TRAF3IP1: variants seen among roughly 807,000 people sequenced by gnomAD.
The protein encoded by TRAF3IP1 is intraflagellar transport 54.
In TRAF3IP1, 53 loss-of-function variants were observed where a neutral mutation model predicts 89.9. That is an observed-to-expected ratio of 0.59 (90% CI 0.47 to 0.74). TRAF3IP1 has a LOEUF of 0.74. Ranked by LOEUF, TRAF3IP1 falls within the 30% of genes least tolerant of loss-of-function variation. The probability of loss-of-function intolerance (pLI) is 0.00; values close to 1 mark genes in which losing one functional copy is unlikely to be tolerated. For missense variants in TRAF3IP1, 806 were observed against 866.1 expected, an observed-to-expected ratio of 0.93 and a Z score of 0.87; for synonymous variants, 311 against 322.1, an observed-to-expected ratio of 0.97 and a Z score of 0.37.
chr2:238,341,045 G>T (rs575387836), intron 8 of TRAF3IP1, among the ~76,000 whole-genome samples: 1 of 152,088 alleles, frequency 6.6e-6, no homozygotes, highest in Non-Finnish European at 1.5e-5. Flanking sequence ...TTTTGAGACA[G>T]GGCTTTGCTC....
At chr2:238,357,306 AT>A (rs919150131) in intron 15 of TRAF3IP1, among the ~76,000 whole-genome samples, 98 of 150,806 alleles carry the variant, frequency 6.5e-4, no homozygotes, top group African/African-American at 1.6e-3. Context: ...AGGAAGAAGA[AT>A]TTTTTTTTTC....
Position 238,351,862 on chromosome 2 carries a change from T to C in TRAF3IP1, c.1452-965T>C, listed in dbSNP as rs2437254. ...GTGTGTGTGTGTGTGTGTGTGTGTG[T>C]GTGTGCGCGCGCGCGCGTGTGCGTG... On this transcript the variant is annotated intron_variant, in intron 12 of 16. Transcript: ENST00000373327. The surrounding 1 kb of genome is among the most constrained non-coding windows in gnomAD (Gnocchi z 5.2). Among the ~76,000 whole-genome samples the C allele has an allele frequency of 0.1, 9,759 of 94,954 alleles. 440 individuals are homozygous for C. The highest frequency in any genetic ancestry group is 0.15 in the Middle Eastern group (32 of 216). The allele number at this position is 94,954 out of a possible 152,430, so 62.3% of individuals were successfully genotyped here.
At chr2:238,371,235 A>G (rs1379769466) in intron 15 of TRAF3IP1, among the ~76,000 whole-genome samples, 1 of 152,024 alleles carries the variant, frequency 6.6e-6, no homozygotes, top group African/African-American at 2.4e-5. Flanking sequence ...TAAAAAGGAA[A>G]CTCACAATAT....
chr2:238,321,172 C>A (rs1011867650), intron 1 of TRAF3IP1, among the ~76,000 whole-genome samples: 3 of 152,228 alleles, frequency 2.0e-5, no homozygotes, highest in African/African-American at 7.2e-5. Flanking sequence ...CAAGGAGGCT[C>A]CGGGCCCTCA....
rs185633210 is a variant in TRAF3IP1, at chr2:238,379,391, G to A, written c.1690-18068G>A. ...GCAGCTGGCTGTCAGGATGCTGGTGGAGGGAAGAGTGAGGAGTGCCAGCTT... is the reference window on the plus strand; with the variant it reads ...GCAGCTGGCTGTCAGGATGCTGGTGAAGGGAAGAGTGAGGAGTGCCAGCTT... On this transcript the variant is annotated intron_variant, in intron 15 of 16. Transcript: ENST00000373327. This position sits in a 1 kb window ranked among gnomAD's most constrained non-coding sequence, Gnocchi z 4.0. Among the ~76,000 whole-genome samples, 3 of 152,352 alleles carry A rather than the reference G, an allele frequency of 2.0e-5. No individual in the cohort carries two copies. The highest frequency in any genetic ancestry group is 4.8e-5 in the African/African-American group (2 of 41,584).
intron 15 of TRAF3IP1, among the ~76,000 whole-genome samples, chr2:238,388,119 A>C (rs926206208): frequency 6.6e-5 from 10 of 152,012 alleles, no homozygotes; most frequent in Admixed American, 1.3e-4. Flanking sequence ...TATGCCTGTT[A>C]TCCCAACACT....
At chr2:238,387,547 C>A (rs1041370739) in intron 15 of TRAF3IP1, among the ~76,000 whole-genome samples, 15 of 152,192 alleles carry the variant, frequency 9.9e-5, no homozygotes, top group African/African-American at 3.4e-4. Flanking sequence ...AGAACACACA[C>A]CCTTTGACCC....
chr2:238,356,123 G>C, intron 15 of TRAF3IP1, 43 bp downstream of exon 15: 2 of 1,445,794 alleles, frequency 1.4e-6, no homozygotes, highest in Non-Finnish European at 1.9e-6. Context: ...TTAGCAGTCT[G>C]TTTCATGCAT....
At position 238,379,123 on chromosome 2, in the gene TRAF3IP1, G is replaced by A. The variant is rs779154358; in HGVS notation, c.1690-18336G>A. On this transcript the variant is annotated intron_variant, in intron 15 of 16. Transcript: ENST00000373327. This position sits in a 1 kb window ranked among gnomAD's most constrained non-coding sequence, Gnocchi z 4.0. Reference sequence around the variant, plus strand: ...TTTCCTGTCGACTCACTCTTTGGTCGTCTGTGTGTCACTGGGGGCCTGTTT... The same window carrying A: ...TTTCCTGTCGACTCACTCTTTGGTCATCTGTGTGTCACTGGGGGCCTGTTT... Among the ~76,000 whole-genome samples, 1 of 152,118 alleles carries A rather than the reference G, an allele frequency of 6.6e-6. No individual in the cohort carries two copies. Among genetic ancestry groups the A allele is most frequent in the African/African-American group, 2.4e-5 (1 of 41,416 alleles).
intron 15 of TRAF3IP1, among the ~76,000 whole-genome samples, chr2:238,385,259 G>A (rs1200088290): frequency 2.6e-5 from 4 of 152,012 alleles, no homozygotes; most frequent in Non-Finnish European, 5.9e-5. Context: ...CTCGTGATCC[G>A]CCCGCCTCGG....
intron 15 of TRAF3IP1, among the ~76,000 whole-genome samples, chr2:238,365,325 T>C (rs1454087937): frequency 1.3e-5 from 2 of 152,178 alleles, no homozygotes; most frequent in Non-Finnish European, 2.9e-5. Context: ...TATTGGATTT[T>C]TCCTTTGCTA....
chr2:238,328,630 A>T (rs1697955391), intron 3 of TRAF3IP1, 56 bp from the exon 4 acceptor site: 1 of 1,569,530 alleles, frequency 6.4e-7, no homozygotes, highest in Non-Finnish European at 8.7e-7. Flanking sequence ...TCTATTTGTT[A>T]CGTGTGCGGA....
intron 12 of TRAF3IP1, 37 bp downstream of exon 12, chr2:238,349,445 G>C: frequency 6.2e-7 from 1 of 1,600,784 alleles, no homozygotes; most frequent in Non-Finnish European, 8.5e-7. Context: ...CAGCCACACA[G>C]TGTGTTCTCC....
intron 15 of TRAF3IP1, among the ~76,000 whole-genome samples, chr2:238,359,942 C>G (rs1699587906): frequency 6.6e-6 from 1 of 152,174 alleles, no homozygotes; most frequent in Non-Finnish European, 1.5e-5. Context: ...CAGCACCACT[C>G]CCTTGTACTT....
At chr2:238,325,451 T>G (rs982354989) in intron 2 of TRAF3IP1, 77 bp downstream of exon 2, 21 of 1,441,880 alleles carry the variant, frequency 1.5e-5, no homozygotes, top group Non-Finnish European at 2.0e-5. Context: ...GTAGTGTGGC[T>G]TGTGTCATTT....
intron 15 of TRAF3IP1, among the ~76,000 whole-genome samples, chr2:238,388,733 C>T (rs1398424604): frequency 6.6e-6 from 1 of 151,668 alleles, no homozygotes; most frequent in Non-Finnish European, 1.5e-5. Context: ...CCTCTGCATC[C>T]TGGGCTCAAG....
At chr2:238,334,527 C>T (rs921140851) in intron 7 of TRAF3IP1, among the ~76,000 whole-genome samples, 3 of 152,220 alleles carry the variant, frequency 2.0e-5, no homozygotes, top group African/African-American at 7.2e-5. Flanking sequence ...ATCATCTTGC[C>T]TAACATAAGA....
intron 3 of TRAF3IP1, among the ~76,000 whole-genome samples, chr2:238,326,630 G>T (rs1697847671): frequency 6.6e-6 from 1 of 152,128 alleles, no homozygotes; most frequent in African/African-American, 2.4e-5. Context: ...TTTCCCCAGG[G>T]TCTTCCTTCT....
Position 238,352,808 on chromosome 2 carries a change from C to T in TRAF3IP1, c.1452-19C>T, listed in dbSNP as rs766906411. On this transcript the variant is annotated intron_variant, in intron 12 of 16. Transcript: ENST00000373327. The stretch of plus-strand genomic sequence containing the variant: ...TGAAAATGTGTAATTCTAATTTAAT[C>T]TAATTTCTTTTTATTTAGGTCAGGG... The T allele has an allele frequency of 6.3e-7, 1 of 1,591,720 alleles. No individual in the cohort carries two copies. Among genetic ancestry groups the T allele is most frequent in the African/African-American group, 1.4e-5 (1 of 73,630 alleles).
Sources: gnomAD v4.1 joint callset for allele counts (sites outside exome capture counted in the v4.1 genomes callset) on GRCh38, gnomAD v4.1.1 for gene constraint, Gnocchi (gnomAD v3.1) non-coding constraint, MANE v1.5 for transcripts, NCBI Gene and HGNC (gene_info 2026-07-23, HGNC 2026-07-21) for gene names.